NRXN3: variants seen among roughly 807,000 people sequenced by gnomAD.
NRXN3 encodes the protein neurexin III.
Under a neutral mutation model 137.6 loss-of-function variants are expected in NRXN3, and 32 were observed. That is an observed-to-expected ratio of 0.23 (90% CI 0.18 to 0.31). The LOEUF is 0.31. Ranked by LOEUF, NRXN3 falls within the 10% of genes least tolerant of loss-of-function variation. The pLI, the probability that NRXN3 is intolerant of heterozygous loss-of-function variation, is 1.00. For missense variants in NRXN3, 1,574 were observed against 2,062.5 expected (o/e 0.76, Z 4.59); for synonymous variants, 798 against 784.5 (o/e 1.02, Z -0.29).
intron 4 of NRXN3, among the ~76,000 whole-genome samples, chr14:78,354,876 G>C (rs1386600737): frequency 6.6e-6 from 1 of 152,202 alleles, no homozygotes; most frequent in Non-Finnish European, 1.5e-5. Flanking sequence ...TAAGAAAACA[G>C]AGGTAGTGGC....
At chr14:78,755,129 C>T (rs888475887) in intron 8 of NRXN3, among the ~76,000 whole-genome samples, 2 of 152,000 alleles carry the variant, frequency 1.3e-5, no homozygotes, top group Middle Eastern at 3.2e-3. Flanking sequence ...AATTCTCCCA[C>T]CTCAGACTTC....
intron 16 of NRXN3, among the ~76,000 whole-genome samples, chr14:79,577,357 G>A (rs977795848): frequency 2.0e-5 from 3 of 152,160 alleles, no homozygotes; most frequent in African/African-American, 7.2e-5. Flanking sequence ...AATTAAGATA[G>A]TCTATTTGGA....
intron 19 of NRXN3, among the ~76,000 whole-genome samples, chr14:79,706,228 C>T (rs1007183642): frequency 8.5e-5 from 13 of 152,142 alleles, no homozygotes; most frequent in African/African-American, 3.1e-4. Flanking sequence ...CAGCCAAAAG[C>T]AAGGGCTAAT....
intron 8 of NRXN3, among the ~76,000 whole-genome samples, chr14:78,784,081 A>C (rs564218746): frequency 2.8e-5 from 4 of 144,792 alleles, no homozygotes; most frequent in Non-Finnish European, 4.5e-5. Context: ...AAAAAAAAAA[A>C]CAACACCAAA....
chr14:78,708,207 T>C (rs1246069513), intron 6 of NRXN3, among the ~76,000 whole-genome samples: 1 of 152,196 alleles, frequency 6.6e-6, no homozygotes, highest in Non-Finnish European at 1.5e-5. Context: ...ACCTACCCAC[T>C]CTGCAGGACA....
At chr14:78,866,767 C>G (rs988571224) in intron 10 of NRXN3, among the ~76,000 whole-genome samples, 1 of 151,028 alleles carries the variant, frequency 6.6e-6, no homozygotes, top group South Asian at 2.1e-4. Flanking sequence ...AAAATACTAC[C>G]ATGTTGCATG....
At chr14:78,777,883 A>T (rs1298889841) in intron 8 of NRXN3, among the ~76,000 whole-genome samples, 1 of 152,064 alleles carries the variant, frequency 6.6e-6, no homozygotes, top group African/African-American at 2.4e-5. Flanking sequence ...TCACCTTAGC[A>T]TCCCAAGTAA....
intron 16 of NRXN3, among the ~76,000 whole-genome samples, chr14:79,623,849 GTTTTTTTTTT>G (rs571687023): frequency 2.0e-5 from 2 of 98,026 alleles, no homozygotes; most frequent in East Asian, 3.1e-4. Flanking sequence ...CTTAGCTCCT[GTTTTTTTTTT>G]TTTTTTTTTT....
At chr14:79,662,771 T>C (rs943765773) in intron 16 of NRXN3, among the ~76,000 whole-genome samples, 1 of 151,932 alleles carries the variant, frequency 6.6e-6, no homozygotes, top group African/African-American at 2.4e-5. Context: ...ACAGGGAAGA[T>C]GCCACACACT....
At chr14:79,804,627 T>C (rs553753413) in intron 19 of NRXN3, among the ~76,000 whole-genome samples, 1 of 152,274 alleles carries the variant, frequency 6.6e-6, no homozygotes, top group Admixed American at 6.5e-5. Context: ...TTCCACAGCA[T>C]TCATTAATTA....
Position 79,536,767 on chromosome 14 carries a change from T to C in NRXN3, c.3444+69365T>C, listed in dbSNP as rs1488827377. Among the ~76,000 whole-genome samples, 3 of 152,150 alleles carry C rather than the reference T, an allele frequency of 2.0e-5. No individual in the cohort carries two copies. The East Asian group carries it at 5.8e-4, about 29-fold the overall frequency. Reference sequence around the variant, plus strand: ...GGATAATGGCTTCCAGCTCCCTCCATGTCCCTGAAAAGGACATGATCTTAT... The same window carrying C: ...GGATAATGGCTTCCAGCTCCCTCCACGTCCCTGAAAAGGACATGATCTTAT... On this transcript the variant is annotated intron_variant, in intron 16 of 20. Coordinates refer to ENST00000335750, the MANE Select transcript of NRXN3 (RefSeq NM_001330195.2).
intron 15 of NRXN3, chr14:79,201,731 T>C (rs1034260508): frequency 7.2e-5 from 11 of 152,200 alleles, no homozygotes; most frequent in African/African-American, 2.7e-4. Context: ...TCACAAACTA[T>C]TAAAGTTGAT....
chr14:78,728,050 G>A (rs756537039), intron 8 of NRXN3, among the ~76,000 whole-genome samples: 4 of 152,310 alleles, frequency 2.6e-5, no homozygotes, highest in East Asian at 1.9e-4. Context: ...AGTTACAGAG[G>A]TAGTAAGTAG....
At chr14:79,621,112 G>A (rs2098219209) in intron 16 of NRXN3, among the ~76,000 whole-genome samples, 1 of 152,086 alleles carries the variant, frequency 6.6e-6, no homozygotes, top group Non-Finnish European at 1.5e-5. Context: ...TAGTTTCCTT[G>A]TCTGCATAAC....
At chr14:79,754,531 T>C (rs1434424254) in intron 19 of NRXN3, among the ~76,000 whole-genome samples, 1 of 86,688 alleles carries the variant, frequency 1.2e-5, no homozygotes, top group Non-Finnish European at 2.1e-5. Context: ...TATATATATA[T>C]ATATATATAT....
At chr14:79,026,923 G>GTACA (rs1555675998) in intron 15 of NRXN3, among the ~76,000 whole-genome samples, 1 of 135,320 alleles carries the variant, frequency 7.4e-6, no homozygotes, top group Non-Finnish European at 1.6e-5. Context: ...AGAAAAAAAA[G>GTACA]TATATATATA....
At chr14:79,430,565 C>A (rs576541841) in intron 15 of NRXN3, among the ~76,000 whole-genome samples, 2 of 152,256 alleles carry the variant, frequency 1.3e-5, no homozygotes, top group East Asian at 3.9e-4. Flanking sequence ...CTTGAATTTT[C>A]TTCTCTTTCT....
chr14:78,369,420 T>G (rs986786670), intron 4 of NRXN3, among the ~76,000 whole-genome samples: 4 of 152,172 alleles, frequency 2.6e-5, no homozygotes, highest in African/African-American at 9.7e-5. Context: ...CGTGTCCAAT[T>G]GCTGTTCCCA....
At chr14:78,821,955 A>G (rs2098952083) in intron 10 of NRXN3, among the ~76,000 whole-genome samples, 1 of 152,194 alleles carries the variant, frequency 6.6e-6, no homozygotes, top group Admixed American at 6.5e-5. Flanking sequence ...TGACTAGTTA[A>G]GTACTCAGGT....
Sources: allele counts gnomAD v4.1 joint callset (sites outside exome capture counted in the v4.1 genomes callset), GRCh38; gene constraint gnomAD v4.1.1; transcripts MANE v1.5; gene names NCBI Gene and HGNC (gene_info 2026-07-23, HGNC 2026-07-21).